Variants in HRG observed in about 807,000 individuals in gnomAD.
HRG encodes the protein histidine rich glycoprotein.
A neutral mutation model predicts 29.5 loss-of-function variants in HRG; 26 were observed. The ratio of observed to expected loss-of-function variants is 0.88; its 90% CI spans 0.65 to 1.22. The LOEUF (loss-of-function observed/expected upper bound fraction) is 1.22, where lower values mean the gene tolerates loss of function less well. HRG is among the 50% of genes most tolerant of loss of function. HRG has a pLI of 0.00. For missense variants in HRG, 671 were observed against 654.5 expected (o/e 1.03, Z -0.28); for synonymous variants, 243 against 240.4 (o/e 1.01, Z -0.10).
intron 6 of HRG, 91 bp downstream of exon 6, chr3:186,675,281 G>A: frequency 3.4e-6 from 2 of 596,238 alleles, no homozygotes; most frequent in South Asian, 2.9e-5. Flanking sequence ...AGCTCTATGA[G>A]TGGGTGTGTG....
Position 186,677,900 on chromosome 3 carries a change from A to G in HRG, c.*17A>G. ...CCAAAATAAAATGTGATTCCTTTGA[A>G]GAGGAAAATGAATAATACATTGAAT... is the stretch of plus-strand genomic sequence containing the variant. On this transcript the variant is annotated 3_prime_UTR_variant, in exon 7 of 7. Transcript: ENST00000232003. 1.9e-6 allele frequency: 3 copies of G among 1,602,564 alleles called. No homozygotes were observed. The highest frequency in any genetic ancestry group is 2.6e-6 in the Non-Finnish European group (3 of 1,169,614).
intron 6 of HRG, 42 bp from the exon 7 acceptor site, chr3:186,677,005 T>A: frequency 6.2e-7 from 1 of 1,611,724 alleles, no homozygotes. Context: ...CATCTTCTTT[T>A]ATGTTACATG....
intron 4 of HRG, 22 bp downstream of exon 4, chr3:186,671,811 G>A: frequency 6.2e-7 from 1 of 1,612,048 alleles, no homozygotes; most frequent in Non-Finnish European, 8.5e-7. Flanking sequence ...CTAAGGTTCG[G>A]TTGGAGTCTG....
chr3:186,666,162 A>G lies in HRG; in HGVS notation c.131A>G (p.Asp44Gly). The change falls in exon 1 of 7, where the codon GAT (aspartate) becomes GGT (glycine). Residue 44 changes from aspartate (D) to glycine (G), a missense_variant. Coordinates refer to ENST00000232003, the MANE Select transcript of HRG (RefSeq NM_000412.5). ...GACCTGATCAATAAAAGGCGACGGG[A>G]TGGCTACCTTTTCCAATTGCTGCGG... Reference protein sequence around the residue: ...ALDLINKRRRDGYLFQLLRIA... With the variant: ...ALDLINKRRRGGYLFQLLRIA... 1.9e-6 allele frequency: 3 copies of G among 1,614,168 alleles called. No homozygotes were observed. Among genetic ancestry groups the G allele is most frequent in the Non-Finnish European group, 1.7e-6 (2 of 1,180,006 alleles).
Position 186,675,300 on chromosome 3 carries a change from TGTGTGTGTGAGA to T in HRG, c.741+112_741+123del. ...CTATGAGTGGGTGTGTGTGTGTGTG[TGTGTGTGTGAGA>T]GAGAGAGAGAGAGAGAGAGACAGAG... On this transcript the variant is annotated intron_variant, in intron 6 of 6. Transcript: ENST00000232003. 5 of 598,076 alleles carry T rather than the reference TGTGTGTGTGAGA, an allele frequency of 8.4e-6. No individual in the cohort carries two copies. In the East Asian group the frequency reaches 1.1e-4, roughly 13 times the overall value. 37.0% of individuals were successfully genotyped at this position (598,076 alleles called of 1,614,324 possible).
chr3:186,677,815 T>C lies in HRG; in HGVS notation c.1510T>C (p.Cys504Arg), dbSNP rs764400190. ...QPFPQSVSESCPGKFKSGFPQ... is the reference protein window; with the variant it reads ...QPFPQSVSESRPGKFKSGFPQ... ...CTTTCCTCAATCAGTCTCTGAATCA[T>C]GTCCAGGGAAGTTCAAGAGTGGGTT... The change falls in exon 7 of 7, where the codon TGT (cysteine) becomes CGT (arginine). Residue 504 changes from cysteine to arginine, a missense_variant. By Grantham distance (180) the Cys-to-Arg change is radical. Transcript: ENST00000232003. The C allele has an allele frequency of 1.2e-6, 2 of 1,614,162 alleles. No homozygotes were observed. Among genetic ancestry groups the C allele is most frequent in the Non-Finnish European group, 1.7e-6 (2 of 1,179,964 alleles).
rs771160179 is a variant in HRG at position 186,677,864 on chromosome 3, CACAT to C, written c.1564_1567del (p.Thr522PhefsTer6). ...TTTCCACAAGTTTCCATGTTTTTTA[CACAT>C]ACATTTCCAAAATAAAATGTGATTC... On this transcript the variant is annotated frameshift_variant, in exon 7 of 7. Coordinates refer to ENST00000232003, the MANE Select transcript of HRG (RefSeq NM_000412.5). LOFTEE classifies it high-confidence loss of function. 19 of 1,613,544 alleles carry C rather than the reference CACAT, an allele frequency of 1.2e-5. No individual in the cohort carries two copies. In the South Asian group the frequency reaches 2.0e-4, roughly 17 times the overall value.
chr3:186,666,744 C>G (rs1718622649), intron 1 of HRG, among the ~76,000 whole-genome samples: 1 of 152,086 alleles, frequency 6.6e-6, no homozygotes, highest in Non-Finnish European at 1.5e-5. Context: ...GAAACCCTGT[C>G]TCTACTAAAA....
At chr3:186,671,234 A>C (rs1167270909) in intron 3 of HRG, among the ~76,000 whole-genome samples, 3 of 3,946 alleles carry the variant, frequency 7.6e-4, no homozygotes, top group African/African-American at 8.2e-4. Context: ...TAATACCTAA[A>C]TATATGATTA....
rs1253087441 is a variant in HRG, at chr3:186,668,955, C to T, written c.204C>T (p.Tyr68=). Residue 68 remains tyrosine, a synonymous_variant, in exon 2 of 7, where the codon TAC becomes TAT. Coordinates refer to ENST00000232003, the MANE Select transcript of HRG (RefSeq NM_000412.5). ...LDRVENTTVY[Y]LVLDVQESDC... ...CTCAGGAAAATACAACTGTATATTA[C>T]TTAGTCTTAGATGTGCAAGAATCGG... 3 of 1,604,698 alleles carry T rather than the reference C, an allele frequency of 1.9e-6. No homozygotes were observed. The highest frequency in any genetic ancestry group is 2.6e-6 in the Non-Finnish European group (3 of 1,171,352).
At chr3:186,669,576 C>T (rs1579074247) in intron 2 of HRG, 1 of 370,642 alleles carries the variant, frequency 2.7e-6, no homozygotes, top group Admixed American at 3.9e-5. Context: ...ATGCCAGGCT[C>T]TCTGACACAG....
intron 1 of HRG, among the ~76,000 whole-genome samples, chr3:186,667,988 G>A (rs1434774431): frequency 1.3e-5 from 2 of 152,192 alleles, no homozygotes; most frequent in East Asian, 3.9e-4. Flanking sequence ...CAGACAAGGA[G>A]TACTACAGAG....
intron 6 of HRG, among the ~76,000 whole-genome samples, chr3:186,676,159 G>A (rs994069259): frequency 1.3e-5 from 2 of 151,906 alleles, no homozygotes; most frequent in Admixed American, 6.6e-5. Flanking sequence ...ATGAGCCACC[G>A]TGCCCGGCCT....
rs1419268875 is a variant in HRG at position 186,671,912 on chromosome 3, T to C, written c.558+123T>C. 5 of 862,286 alleles carry C rather than the reference T, an allele frequency of 5.8e-6. No homozygotes were observed. In the Admixed American group the frequency reaches 9.8e-5, roughly 17 times the overall value. The allele number at this position is 862,286 out of a possible 1,614,324, so 53.4% of individuals were successfully genotyped here. Reference sequence around the variant, plus strand: ...CTAGCTGCCTTTTAATTTGTCACTTTTGAGGCCATAAAAGACAGGCAGCAG... The same window carrying C: ...CTAGCTGCCTTTTAATTTGTCACTTCTGAGGCCATAAAAGACAGGCAGCAG... On this transcript the variant is annotated intron_variant, in intron 4 of 6. Coordinates refer to ENST00000232003, the MANE Select transcript of HRG (RefSeq NM_000412.5).
At position 186,677,977 on chromosome 3, in the gene HRG, AC is replaced by A; in HGVS notation, c.*96del. On this transcript the variant is annotated 3_prime_UTR_variant, in exon 7 of 7. Coordinates refer to ENST00000232003, the MANE Select transcript of HRG (RefSeq NM_000412.5). ...ATTGTGAAAATTACAGTTCTTTTCAACCTACTTTCATACTGAAGATGCAGCA... is the reference window on the plus strand; with the variant it reads ...ATTGTGAAAATTACAGTTCTTTTCAACTACTTTCATACTGAAGATGCAGCA... The A allele has an allele frequency of 8.0e-7, 1 of 1,255,316 alleles. No homozygotes were observed. The highest frequency in any genetic ancestry group is 1.1e-6 in the Non-Finnish European group (1 of 878,344). 77.8% of individuals were successfully genotyped at this position (1,255,316 alleles called of 1,614,324 possible). A position where few individuals can be genotyped will look rare whatever the true frequency, so the allele number is the denominator to read the frequency against.
In HRG at chr3:186,666,479, A is replaced by T. The variant is rs573967684; in HGVS notation, c.183+265A>T. Among the ~76,000 whole-genome samples, 5 of 152,364 alleles carry T rather than the reference A, an allele frequency of 3.3e-5. No individual in the cohort carries two copies. The South Asian group carries it at 1.0e-3, about 32-fold the overall frequency. The stretch of plus-strand genomic sequence containing the variant: ...TGCTAAGGACTGCCAGAGAAACATT[A>T]GAATAAGCTATGGGCCTTGGCCTCC... On this transcript the variant is annotated intron_variant, in intron 1 of 6. Coordinates refer to ENST00000232003, the MANE Select transcript of HRG (RefSeq NM_000412.5).
intron 6 of HRG, among the ~76,000 whole-genome samples, chr3:186,675,691 A>T (rs1393897470): frequency 6.6e-6 from 1 of 152,028 alleles, no homozygotes; most frequent in African/African-American, 2.4e-5. Flanking sequence ...GCAAAACCAT[A>T]TTTTGCATCT....
rs552124195 is a variant in HRG, at chr3:186,676,195, A to G, written c.742-852A>G. On this transcript the variant is annotated intron_variant, in intron 6 of 6. Coordinates refer to ENST00000232003, the MANE Select transcript of HRG (RefSeq NM_000412.5). ...CTGTAGCTATTTTTTAAAAAATTAA[A>G]CTCTGAACAAGGAAGAGAGAGAAGA... Among the ~76,000 whole-genome samples the G allele has an allele frequency of 1.5e-4, 23 of 152,064 alleles. No individual in the cohort carries two copies. In the South Asian group the frequency reaches 1.9e-3, roughly 12 times the overall value.
At chr3:186,673,169 T>C (rs1294971831) in intron 5 of HRG, 7 of 415,348 alleles carry the variant, frequency 1.7e-5, no homozygotes, top group Non-Finnish European at 2.3e-5. Flanking sequence ...AATGGCACAG[T>C]GTCGGCTCAC....
Sources: gnomAD v4.1 joint callset for allele counts (sites outside exome capture counted in the v4.1 genomes callset) on GRCh38, gnomAD v4.1.1 for gene constraint, MANE v1.5 for transcripts, NCBI Gene and HGNC (gene_info 2026-07-23, HGNC 2026-07-21) for gene names.